KREMEN2: variants seen among roughly 807,000 people sequenced by gnomAD.
KREMEN2 encodes kringle containing transmembrane protein 2, also known as kremen protein 2.
In KREMEN2, 43 loss-of-function variants were observed where a neutral mutation model predicts 49.8. The observed-to-expected ratio is 0.86, with a 90% CI of 0.68 to 1.11. KREMEN2 has a LOEUF of 1.11. Ranked by LOEUF, KREMEN2 falls within the 50% of genes most tolerant of loss-of-function variation. The pLI is 0.00. For missense variants in KREMEN2, 686 were observed against 665.7 expected, an observed-to-expected ratio of 1.03 and a Z score of -0.34; for synonymous variants, 355 against 304.9, an observed-to-expected ratio of 1.16 and a Z score of -1.71.
intron 1 of KREMEN2, 100 bp from the exon 2 acceptor site, chr16:2,964,759 G>A (rs891984288): frequency 6.9e-7 from 1 of 1,449,730 alleles, no homozygotes; most frequent in East Asian, 2.4e-5. Context: ...AGGGGCGGGT[G>A]CGGGGTCGCT....
rs780040724 is a variant in KREMEN2, at chr16:2,966,831, C to T, written c.640+36C>T. The T allele has an allele frequency of 4.4e-6, 7 of 1,597,770 alleles. No homozygotes were observed. Among genetic ancestry groups the T allele is most frequent in the East Asian group, 2.3e-5 (1 of 44,426 alleles). Reference sequence around the variant, plus strand: ...GGCGGGGACCAGGGGCCTGGGCGGGCCTCGAGGTGGGGCCTGGCCGGGCAG... The same window carrying T: ...GGCGGGGACCAGGGGCCTGGGCGGGTCTCGAGGTGGGGCCTGGCCGGGCAG... On this transcript the variant is annotated intron_variant, in intron 5 of 8. Transcript: ENST00000303746. This position sits in a 1 kb window ranked among gnomAD's most constrained non-coding sequence, Gnocchi z 8.4.
In KREMEN2 at chr16:2,967,032, G is replaced by A. The variant is rs1265811158; in HGVS notation, c.763G>A (p.Ala255Thr). The change falls in exon 6 of 9, where the codon GCG (alanine) becomes ACG (threonine). Residue 255 changes from alanine (A) to threonine (T), a missense_variant. By Grantham distance (58) the Ala-to-Thr change is moderately conservative. Transcript: ENST00000303746. ...CTGGGCCCTGGGCCCGCCAGGCGCC[G>A]CGCTGGAGCTCACCTTCCGCCTCTT... The part of the protein sequence containing the change: ...CSWALGPPGA[A>T]LELTFRLFEL... 26 of 1,543,574 alleles carry A rather than the reference G, an allele frequency of 1.7e-5. No homozygotes were observed. Among genetic ancestry groups the A allele is most frequent in the Admixed American group, 5.9e-5 (3 of 50,826 alleles).
intron 6 of KREMEN2, 30 bp downstream of exon 6, chr16:2,967,272 C>T (rs1226514719): frequency 7.3e-7 from 1 of 1,361,482 alleles, no homozygotes; most frequent in African/African-American, 1.5e-5. Flanking sequence ...GCCCTGCCCG[C>T]TGTTCCCACC....
At chr16:2,964,726 C>T (rs564851874) in intron 1 of KREMEN2, 112 bp downstream of exon 1, 40 of 1,384,768 alleles carry the variant, frequency 2.9e-5, no homozygotes, top group Non-Finnish European at 3.6e-5. Flanking sequence ...GCCGGAGCAG[C>T]TGAGCAGCCC....
Position 2,966,964 on chromosome 16 carries a change from CCCCGGACTT to C in KREMEN2, c.703_711del (p.Phe235_Asp237del). 1 of 1,556,868 alleles carries C rather than the reference CCCCGGACTT, an allele frequency of 6.4e-7. No individual in the cohort carries two copies. The highest frequency in any genetic ancestry group is 1.2e-5 in the South Asian group (1 of 84,992). Reference sequence around the variant, plus strand: ...ACAGCGCCTCAGGGCGTCATCTACTCCCCGGACTTCCCGGACGAGTACGGGCCGGACCGG... The same window carrying C: ...ACAGCGCCTCAGGGCGTCATCTACTCCCCGGACGAGTACGGGCCGGACCGG... On this transcript the variant is annotated inframe_deletion, in exon 6 of 9. Transcript: ENST00000303746. The surrounding 1 kb of genome is among the most constrained non-coding windows in gnomAD (Gnocchi z 8.4).
At position 2,966,189 on chromosome 16, in the gene KREMEN2, G is replaced by A. The variant is rs2071814036; in HGVS notation, c.319G>A (p.Glu107Lys). Reference protein sequence around the residue: ...QPWCYVAETEEGIYWRYCDIP... With the variant: ...QPWCYVAETEKGIYWRYCDIP... ...GTGGTGCTACGTGGCTGAGACAGAG[G>A]AGGGCATCTACTGGCGCTACTGCGA... Residue 107 changes from glutamate (E) to lysine (K), a missense_variant, in exon 3 of 9, where the codon GAG (glutamate) becomes AAG (lysine). Physicochemically the swap from Glu to Lys is moderately conservative, Grantham distance 56. Transcript: ENST00000303746. The surrounding 1 kb of genome is among the most constrained non-coding windows in gnomAD (Gnocchi z 8.4). The A allele has an allele frequency of 1.9e-6, 3 of 1,612,876 alleles. No homozygotes were observed. Among genetic ancestry groups the A allele is most frequent in the South Asian group, 1.1e-5 (1 of 91,046 alleles).
chr16:2,967,739 C>G, intron 8 of KREMEN2, 71 bp from the exon 9 acceptor site: 1 of 1,544,570 alleles, frequency 6.5e-7, no homozygotes, highest in East Asian at 2.4e-5. Flanking sequence ...GGATCGCGCG[C>G]GGGATCGCAG....
chr16:2,966,861 G>C lies in KREMEN2; in HGVS notation c.641-49G>C. ...AGGTGGGGCCTGGCCGGGCAGGGGA[G>C]CCGCCGTGTCCTGGTCCTCAGGATG... On this transcript the variant is annotated intron_variant, in intron 5 of 8. Transcript: ENST00000303746. The surrounding 1 kb of genome is among the most constrained non-coding windows in gnomAD (Gnocchi z 8.4). The C allele has an allele frequency of 6.4e-7, 1 of 1,571,524 alleles. No individual in the cohort carries two copies. Among genetic ancestry groups the C allele is most frequent in the Non-Finnish European group, 8.6e-7 (1 of 1,160,032 alleles).
Position 2,964,882 on chromosome 16 carries a change from A to C in KREMEN2, c.118A>C (p.Asn40His), listed in dbSNP as rs1420957898. 6.2e-7 allele frequency: 1 copy of C among 1,610,674 alleles called. No homozygotes were observed. Among genetic ancestry groups the C allele is most frequent in the African/African-American group, 1.3e-5 (1 of 74,602 alleles). The change falls in exon 2 of 9, where the codon AAT becomes CAT. Residue 40 changes from asparagine to histidine, a missense_variant. Physicochemically the swap from Asn to His is moderately conservative, Grantham distance 68. Transcript: ENST00000303746. ...AGGCCTGTCCGAATGCTTCCAGGTG[A>C]ATGGGGCTGACTACCGCGGCCACCA... ...SPGLSECFQV[N>H]GADYRGHQNR...
chr16:2,967,927 C>T lies in KREMEN2; in HGVS notation c.1296C>T (p.Pro432=), dbSNP rs755438945. The change falls in exon 9 of 9, where the codon CCC becomes CCT. Residue 432 remains proline (P), a synonymous_variant. Transcript: ENST00000303746. ...GAGGGGTGGCCTTGCCCTGCTCCCC[C>T]GGGGACCCCCAGGCTGAGGGTTCTG... The part of the protein sequence containing the change: ...QPRGVALPCS[P]GDPQAEGSAA... The T allele has an allele frequency of 5.1e-6, 8 of 1,578,326 alleles. No individual in the cohort carries two copies. The South Asian group carries it at 5.8e-5, about 11-fold the overall frequency.
At chr16:2,965,623 T>C (rs1253319429) in intron 2 of KREMEN2, among the ~76,000 whole-genome samples, 2 of 151,794 alleles carry the variant, frequency 1.3e-5, no homozygotes, top group Non-Finnish European at 2.9e-5. Flanking sequence ...TACAAAAAAT[T>C]AGCGGGGCAT....
In KREMEN2 at chr16:2,968,144, G is replaced by C. The variant is rs1425034287; in HGVS notation, c.*124G>C. On this transcript the variant is annotated 3_prime_UTR_variant, in exon 9 of 9. Transcript: ENST00000303746. ...GCTCGGCCTCTGGTCGCCTTGGGGAGACCAAAAGTCGGACAGGAAACATCT... is the reference window on the plus strand; with the variant it reads ...GCTCGGCCTCTGGTCGCCTTGGGGACACCAAAAGTCGGACAGGAAACATCT... The C allele has an allele frequency of 1.8e-6, 2 of 1,107,122 alleles. No individual in the cohort carries two copies. The highest frequency in any genetic ancestry group is 3.1e-5 in the African/African-American group (2 of 64,186). 68.6% of individuals were successfully genotyped at this position (1,107,122 alleles called of 1,614,324 possible). A position where few individuals can be genotyped will look rare whatever the true frequency, so the allele number is the denominator to read the frequency against.
At chr16:2,967,470 G>T in intron 7 of KREMEN2, 25 bp downstream of exon 7, 1 of 1,462,304 alleles carries the variant, frequency 6.8e-7, no homozygotes. Context: ...CGGGACGGGA[G>T]TGAGTCAGGG....
chr16:2,964,382 G>A lies in KREMEN2; in HGVS notation c.-139G>A, dbSNP rs2071776058. The stretch of plus-strand genomic sequence containing the variant: ...CAGGAGAGATTTACCCACCCCAGAC[G>A]GAAAGCGCGGCTCAGAGTCGGACGA... On this transcript the variant is annotated 5_prime_UTR_variant, in exon 1 of 9. Transcript: ENST00000303746. 2 of 611,714 alleles carry A rather than the reference G, an allele frequency of 3.3e-6. No individual in the cohort carries two copies. The highest frequency in any genetic ancestry group is 3.0e-5 in the Admixed American group (1 of 33,650). The allele number at this position is 611,714 out of a possible 1,614,324, so 37.9% of individuals were successfully genotyped here. A position where few individuals can be genotyped will look rare whatever the true frequency, so the allele number is the denominator to read the frequency against.
At chr16:2,965,101 C>A (rs2071792753) in intron 2 of KREMEN2, 68 bp downstream of exon 2, 1 of 1,260,850 alleles carries the variant, frequency 7.9e-7, no homozygotes, top group Non-Finnish European at 1.0e-6. Context: ...CGAAGCGGGG[C>A]CTCCGTGCGG....
chr16:2,966,507 A>G lies in KREMEN2; in HGVS notation c.486+58A>G, dbSNP rs1479368538. On this transcript the variant is annotated intron_variant, in intron 4 of 8. Transcript: ENST00000303746. The surrounding 1 kb of genome is among the most constrained non-coding windows in gnomAD (Gnocchi z 8.4). ...GACCTGGACCTAAAGACCACACTCA[A>G]CTCCCAACACTCGGTTGCCAAACCC... 19 of 1,598,668 alleles carry G rather than the reference A, an allele frequency of 1.2e-5. No homozygotes were observed. The highest frequency in any genetic ancestry group is 1.5e-5 in the Non-Finnish European group (18 of 1,175,646).
Position 2,968,237 on chromosome 16 carries a change from G to A in KREMEN2, c.*217G>A. On this transcript the variant is annotated 3_prime_UTR_variant, in exon 9 of 9. Transcript: ENST00000303746. ...TGGTCCAGGCCCTCTCCATGGACCT[G>A]TATGTGGGGGTGGTCTCTGGTTTCG... 1 of 939,412 alleles carries A rather than the reference G, an allele frequency of 1.1e-6. No individual in the cohort carries two copies. Among genetic ancestry groups the A allele is most frequent in the Non-Finnish European group, 1.6e-6 (1 of 618,796 alleles). The allele number at this position is 939,412 out of a possible 1,614,324, so 58.2% of individuals were successfully genotyped here. A position where few individuals can be genotyped will look rare whatever the true frequency, so the allele number is the denominator to read the frequency against.
At position 2,968,250 on chromosome 16, in the gene KREMEN2, G is replaced by A. The variant is rs1254895631; in HGVS notation, c.*230G>A. ...CTCCATGGACCTGTATGTGGGGGTG[G>A]TCTCTGGTTTCGGAGGTCTTTGAAC... On this transcript the variant is annotated 3_prime_UTR_variant, in exon 9 of 9. Transcript: ENST00000303746. The A allele has an allele frequency of 2.9e-6, 3 of 1,019,600 alleles. No individual in the cohort carries two copies. The highest frequency in any genetic ancestry group is 2.6e-5 in the East Asian group (1 of 38,420). 63.2% of individuals were successfully genotyped at this position (1,019,600 alleles called of 1,614,324 possible).
At position 2,967,980 on chromosome 16, in the gene KREMEN2, C is replaced by T; in HGVS notation, c.1349C>T (p.Ser450Phe). 1 of 1,583,862 alleles carries T rather than the reference C, an allele frequency of 6.3e-7. No individual in the cohort carries two copies. The highest frequency in any genetic ancestry group is 8.5e-7 in the Non-Finnish European group (1 of 1,169,996). Residue 450 changes from serine to phenylalanine, a missense_variant, in exon 9 of 9, where the codon TCC (serine) becomes TTC (phenylalanine). Ser to Phe is a radical substitution (Grantham distance 155). Coordinates refer to ENST00000303746, the MANE Select transcript of KREMEN2 (RefSeq NM_172229.3). ...GCGGGCTACCGGCCTCTGAGTGCCT[C>T]CAGCCAGAGCTCCCTGCGCTCGCTC... is the stretch of plus-strand genomic sequence containing the variant. ...SAAGYRPLSA[S>F]SQSSLRSLIS...
Sources: gnomAD v4.1 joint callset for allele counts (sites outside exome capture counted in the v4.1 genomes callset) on GRCh38, gnomAD v4.1.1 for gene constraint, Gnocchi (gnomAD v3.1) non-coding constraint, MANE v1.5 for transcripts, NCBI Gene and HGNC (gene_info 2026-07-23, HGNC 2026-07-21) for gene names.